Variants in TIMM23B observed in about 807,000 individuals in gnomAD.
TIMM23B encodes the protein mitochondrial import inner membrane translocase subunit Tim23B.
In TIMM23B, 27 loss-of-function variants were observed where a neutral mutation model predicts 27.3. The ratio of observed to expected loss-of-function variants is 0.99; its 90% CI spans 0.73 to 1.36. The LOEUF (loss-of-function observed/expected upper bound fraction) is 1.36. Among genes scored for constraint, TIMM23B ranks in the 40% most tolerant of loss-of-function variants. The pLI is 0.00. For missense variants in TIMM23B, 205 were observed against 244.2 expected (o/e 0.84, Z 1.07); for synonymous variants, 73 against 92.4 (o/e 0.79, Z 1.21).
At chr10:49,952,266 T>C in intron 3 of TIMM23B, 47 bp downstream of exon 3, 2 of 1,540,638 alleles carry the variant, frequency 1.3e-6, no homozygotes, top group Non-Finnish European at 1.8e-6. Context: ...TTCAAGTAGT[T>C]GAGGGTGCGT....
Position 49,952,213 on chromosome 10 carries a change from A to C in TIMM23B, c.253A>C (p.Met85Leu). ...LAFFTIGGCC[M>L]TGAAFGAMNG... Reference sequence around the variant, plus strand: ...CTTCTTTACGATTGGAGGGTGTTGCATGACAGGTGAGTGTTACATACTTTT... The same window carrying C: ...CTTCTTTACGATTGGAGGGTGTTGCCTGACAGGTGAGTGTTACATACTTTT... Residue 85 changes from methionine to leucine, a missense_variant, in exon 3 of 7, where the codon ATG becomes CTG. Met to Leu is a conservative substitution (Grantham distance 15). Coordinates refer to ENST00000651259, the MANE Select transcript of TIMM23B (RefSeq NM_001290117.2). The C allele has an allele frequency of 6.2e-7, 1 of 1,605,884 alleles. No homozygotes were observed. Among genetic ancestry groups the C allele is most frequent in the Non-Finnish European group, 8.5e-7 (1 of 1,172,536 alleles).
chr10:49,963,387 GATGAA>G (rs1457715691), intron 6 of TIMM23B, among the ~76,000 whole-genome samples: 2 of 152,126 alleles, frequency 1.3e-5, no homozygotes, highest in African/African-American at 2.4e-5. Flanking sequence ...GAAATGAAAT[GATGAA>G]ATGAATAATG....
chr10:49,968,622 C>T (rs1671931803), intron 6 of TIMM23B, among the ~76,000 whole-genome samples: 1 of 152,152 alleles, frequency 6.6e-6, no homozygotes, highest in Non-Finnish European at 1.5e-5. Context: ...ATCACAAGGT[C>T]AGGAGATTGA....
At chr10:49,952,035 G>T in intron 2 of TIMM23B, 91 bp from the exon 3 acceptor site, 1 of 976,350 alleles carries the variant, frequency 1.0e-6, no homozygotes, top group Non-Finnish European at 1.6e-6. Flanking sequence ...TTTATTTTCT[G>T]TGAAAAACTA....
intron 1 of TIMM23B, among the ~76,000 whole-genome samples, chr10:49,942,827 C>T (rs1229726523): frequency 2.4e-4 from 36 of 152,192 alleles, no homozygotes; most frequent in African/African-American, 8.2e-4. Flanking sequence ...GATATATAGA[C>T]ATGAAGAAAG....
At chr10:49,953,762 G>A (rs1389797154) in intron 4 of TIMM23B, among the ~76,000 whole-genome samples, 2 of 151,942 alleles carry the variant, frequency 1.3e-5, no homozygotes, top group Non-Finnish European at 2.9e-5. Flanking sequence ...TTAAGTTTTT[G>A]TATTATAGGG....
In TIMM23B at chr10:49,945,082, C is replaced by G; in HGVS notation, c.157C>G (p.Leu53Val). 3 of 1,608,890 alleles carry G rather than the reference C, an allele frequency of 1.9e-6. No individual in the cohort carries two copies. Among genetic ancestry groups the G allele is most frequent in the Non-Finnish European group, 2.5e-6 (3 of 1,177,346 alleles). Residue 53 changes from leucine to valine, a missense_variant, in exon 2 of 7, where the codon CTC (leucine) becomes GTC (valine). Leu to Val is a conservative substitution (Grantham distance 32). Transcript: ENST00000651259. Reference protein sequence around the residue: ...CPYLNVDPRYLVQDTDEFILP... With the variant: ...CPYLNVDPRYVVQDTDEFILP... The stretch of plus-strand genomic sequence containing the variant: ...TTATTTAAATGTGGATCCACGATAC[C>G]TCGTGCAGGTAAGACTAAGATTTTA...
At chr10:49,947,774 A>T (rs1254324640) in intron 2 of TIMM23B, among the ~76,000 whole-genome samples, 3 of 152,070 alleles carry the variant, frequency 2.0e-5, no homozygotes, top group African/African-American at 7.3e-5. Flanking sequence ...GCAAAAAAAT[A>T]CAAAAATTAG....
rs1188775140 is a variant in TIMM23B, at chr10:49,949,502, G to A, written c.166-2624G>A. 4.6e-5 allele frequency among the ~76,000 whole-genome samples: 7 copies of A among 152,090 alleles called. No individual in the cohort carries two copies. The East Asian group carries it at 1.2e-3, about 25-fold the overall frequency. On this transcript the variant is annotated intron_variant, in intron 2 of 6. Transcript: ENST00000651259. ...TTTAATGTTGAATCTACACTTAGAGGTTGTACTCTAGATCTAGTTAAAATT... is the reference window on the plus strand; with the variant it reads ...TTTAATGTTGAATCTACACTTAGAGATTGTACTCTAGATCTAGTTAAAATT...
chr10:49,952,070 T>A (rs1839551085), intron 2 of TIMM23B, 56 bp from the exon 3 acceptor site: 1 of 1,329,102 alleles, frequency 7.5e-7, no homozygotes, highest in Non-Finnish European at 1.1e-6. Context: ...AAGGCAACTT[T>A]ACAAGATTTG....
Position 49,942,216 on chromosome 10 carries a change from G to C in TIMM23B, c.22G>C (p.Gly8Arg), listed in dbSNP as rs1387331513. 6.2e-7 allele frequency: 1 copy of C among 1,610,176 alleles called. No homozygotes were observed. Among genetic ancestry groups the C allele is most frequent in the African/African-American group, 1.3e-5 (1 of 74,830 alleles). Reference sequence around the variant, plus strand: ...TACCATGGAAGGAGGCGGGGGAAGCGGCGACAAAACCACAGGGGTATTGGC... The same window carrying C: ...TACCATGGAAGGAGGCGGGGGAAGCCGCGACAAAACCACAGGGGTATTGGC... MEGGGGS[G>R]DKTTGVLAGF... Residue 8 changes from glycine to arginine, a missense_variant, in exon 1 of 7, where the codon GGC (glycine) becomes CGC (arginine). Transcript: ENST00000651259.
rs1839138678 is a variant in TIMM23B, at chr10:49,942,278, C to T, written c.84C>T (p.His28=). ...FFGAGEAGYS[H]ADLAGVPLTG... is the part of the protein sequence containing the mutation. ...GAGCCGGCGAAGCAGGTTACTCGCA[C>T]GCGGATTTGGCTGGCGTCCCGCGTA... Residue 28 remains histidine, a synonymous_variant, in exon 1 of 7, where the codon CAC becomes CAT. Coordinates refer to ENST00000651259, the MANE Select transcript of TIMM23B (RefSeq NM_001290117.2). 4 of 1,612,230 alleles carry T rather than the reference C, an allele frequency of 2.5e-6. No individual in the cohort carries two copies. The South Asian group carries it at 3.3e-5, about 13-fold the overall frequency.
intron 2 of TIMM23B, among the ~76,000 whole-genome samples, chr10:49,945,563 T>A (rs1839329180): frequency 6.6e-6 from 1 of 152,146 alleles, no homozygotes; most frequent in Non-Finnish European, 1.5e-5. Flanking sequence ...GTGTTCTCAA[T>A]AGAGACCGGG....
chr10:49,954,949 A>G (rs1280299613), intron 4 of TIMM23B, 53 bp from the exon 5 acceptor site: 1 of 1,608,794 alleles, frequency 6.2e-7, no homozygotes, highest in Non-Finnish European at 8.5e-7. Flanking sequence ...TTTAAAGATT[A>G]CTAGAGAAAT....
rs376569471 is a variant in TIMM23B, at chr10:49,972,944, A to G, written c.515-68A>G. On this transcript the variant is annotated intron_variant, in intron 6 of 6. Transcript: ENST00000651259. Reference sequence around the variant, plus strand: ...AAATGCTTTCTTCTCTTCTTGCTTTACTTGATATCAATCTCTTGTTCATTT... The same window carrying G: ...AAATGCTTTCTTCTCTTCTTGCTTTGCTTGATATCAATCTCTTGTTCATTT... The G allele has an allele frequency of 3.7e-4, 299 of 814,982 alleles. 2 individuals carry two copies. The South Asian group carries it at 4.3e-3, about 12-fold the overall frequency. 50.5% of individuals were successfully genotyped at this position (814,982 alleles called of 1,614,324 possible). A position where few individuals can be genotyped will look rare whatever the true frequency, so the allele number is the denominator to read the frequency against.
chr10:49,952,230 C>G lies in TIMM23B; in HGVS notation c.259+11C>G. ...GGTGTTGCATGACAGGTGAGTGTTA[C>G]ATACTTTTTTCTCAAGAGTGCTCAG... On this transcript the variant is annotated intron_variant, in intron 3 of 6. Coordinates refer to ENST00000651259, the MANE Select transcript of TIMM23B (RefSeq NM_001290117.2). 1 of 1,601,982 alleles carries G rather than the reference C, an allele frequency of 6.2e-7. No individual in the cohort carries two copies. Among genetic ancestry groups the G allele is most frequent in the Non-Finnish European group, 8.6e-7 (1 of 1,169,186 alleles).
chr10:49,970,787 T>C (rs1470151571), intron 6 of TIMM23B, among the ~76,000 whole-genome samples: 36 of 152,038 alleles, frequency 2.4e-4, no homozygotes, highest in African/African-American at 8.5e-4. Context: ...TTCTGGGAAG[T>C]GAGGAGCCCC....
intron 6 of TIMM23B, among the ~76,000 whole-genome samples, chr10:49,961,103 C>T (rs1279442613): frequency 6.6e-6 from 1 of 152,018 alleles, no homozygotes; most frequent in Non-Finnish European, 1.5e-5. Flanking sequence ...ATTGGGTCAG[C>T]TGGGCACGGT....
chr10:49,942,698 C>T (rs1309295097), intron 1 of TIMM23B, among the ~76,000 whole-genome samples: 2 of 152,096 alleles, frequency 1.3e-5, no homozygotes, highest in Non-Finnish European at 2.9e-5. Flanking sequence ...TCTGAGCCTC[C>T]AAGTAGCCGT....
Sources: allele counts gnomAD v4.1 joint callset (sites outside exome capture counted in the v4.1 genomes callset), GRCh38; gene constraint gnomAD v4.1.1; transcripts MANE v1.5; gene names NCBI Gene and HGNC (gene_info 2026-07-23, HGNC 2026-07-21).